Variants in ATP2C2 observed in about 807,000 individuals in gnomAD.
ATP2C2 encodes the protein ATPase secretory pathway Ca2+ transporting 2.
ATP2C2 carries 171 observed loss-of-function variants against 110.8 expected under a neutral mutation model. The ratio of observed to expected loss-of-function variants is 1.54; its 90% CI spans 1.36 to 1.75. The LOEUF (loss-of-function observed/expected upper bound fraction) is 1.75. Among genes scored for constraint, ATP2C2 ranks in the 40% most tolerant of loss-of-function variants. ATP2C2 has a pLI of 0.00. For synonymous variants in ATP2C2, 804 were observed against 508.4 expected, an observed-to-expected ratio of 1.58 and a Z score of -7.82; for missense variants, 1,963 against 1,235.0, an observed-to-expected ratio of 1.59 and a Z score of -8.84.
At chr16:84,416,622 C>G (rs991000611) in intron 7 of ATP2C2, among the ~76,000 whole-genome samples, 2 of 152,186 alleles carry the variant, frequency 1.3e-5, no homozygotes, top group Non-Finnish European at 2.9e-5. Flanking sequence ...CATTGATCCT[C>G]TCTGCCGTGA....
At chr16:84,459,628 GCT>G (rs1911072573) in intron 23 of ATP2C2, 1 of 1,506,034 alleles carries the variant, frequency 6.6e-7, no homozygotes, top group Non-Finnish European at 8.9e-7. Context: ...CTGCCTGGAT[GCT>G]CTCTCTGGGC....
intron 11 of ATP2C2, among the ~76,000 whole-genome samples, chr16:84,428,473 T>C (rs966936604): frequency 6.6e-6 from 1 of 152,246 alleles, no homozygotes; most frequent in African/African-American, 2.4e-5. Flanking sequence ...AAATACTGTG[T>C]CTGGCTTTGG....
chr16:84,439,260 G>A lies in ATP2C2; in HGVS notation c.1081G>A (p.Val361Met), dbSNP rs752961744. Reference protein sequence around the residue: ...VLRMAKKRVIVKKLPIVETLG... With the variant: ...VLRMAKKRVIMKKLPIVETLG... ...GCGGATGGCCAAGAAGCGGGTCATC[G>A]TGAAGAAGTTACCCATCGTGGAGAC... The change falls in exon 12 of 27, where the codon GTG becomes ATG. Residue 361 changes from valine (V) to methionine (M), a missense_variant. Transcript: ENST00000262429. The A allele has an allele frequency of 1.4e-5, 23 of 1,612,482 alleles. No individual in the cohort carries two copies. The highest frequency in any genetic ancestry group is 6.7e-5 in the East Asian group (3 of 44,890).
rs1040828683 is a variant in ATP2C2 at position 84,463,851 on chromosome 16, A to C, written c.*119A>C. On this transcript the variant is annotated 3_prime_UTR_variant, in exon 27 of 27. Transcript: ENST00000262429. ...GGCCGCAGCCTTCCATCACCGGATC[A>C]GTTTTTCCTCTTAGGAAAGCTGCAG... The C allele has an allele frequency of 1.1e-6, 1 of 915,206 alleles. No homozygotes were observed. The allele number at this position is 915,206 out of a possible 1,614,324, so 56.7% of individuals were successfully genotyped here.
At position 84,427,782 on chromosome 16, in the gene ATP2C2, G is replaced by A. The variant is rs905441484; in HGVS notation, c.986+1981G>A. ...CAGAAAGTAGGTTAGTGTTTGCCAG[G>A]GCCTGGGGTTGGGGAGTGTGTAGTG... On this transcript the variant is annotated intron_variant, in intron 11 of 26. Coordinates refer to ENST00000262429, the MANE Select transcript of ATP2C2 (RefSeq NM_014861.4). 1.8e-4 allele frequency among the ~76,000 whole-genome samples: 28 copies of A among 152,148 alleles called. No individual in the cohort carries two copies. The South Asian group carries it at 5.4e-3, about 29-fold the overall frequency.
chr16:84,388,074 G>C (rs928327508), intron 1 of ATP2C2, among the ~76,000 whole-genome samples: 4 of 152,188 alleles, frequency 2.6e-5, no homozygotes, highest in Non-Finnish European at 5.9e-5. Flanking sequence ...GCTCACGCCT[G>C]TCATCCCAGC....
At chr16:84,459,904 C>T in intron 23 of ATP2C2, 1 of 314,240 alleles carries the variant, frequency 3.2e-6, no homozygotes, top group South Asian at 3.6e-5. Flanking sequence ...GCTCAGGAGT[C>T]CACCCGCTCC....
chr16:84,426,947 G>A (rs529634364), intron 11 of ATP2C2, among the ~76,000 whole-genome samples: 2 of 152,158 alleles, frequency 1.3e-5, no homozygotes, highest in Non-Finnish European at 2.9e-5. Context: ...ATCGTGCAGC[G>A]GTTTGACTTT....
chr16:84,421,150 T>C (rs1388331800), intron 7 of ATP2C2, among the ~76,000 whole-genome samples: 1 of 152,230 alleles, frequency 6.6e-6, no homozygotes, highest in Non-Finnish European at 1.5e-5. Flanking sequence ...TTTTCCAGAA[T>C]GTTCTTTGAG....
At chr16:84,373,119 CAAAAAAA>C (rs34143321) in intron 1 of ATP2C2, among the ~76,000 whole-genome samples, 1 of 103,936 alleles carries the variant, frequency 9.6e-6, no homozygotes, top group Non-Finnish European at 1.8e-5. Context: ...GACTCCCTCT[CAAAAAAA>C]AAAAAAAAAG....
rs377037509 is a variant in ATP2C2, at chr16:84,424,525, G to A, written c.920-1210G>A. Among the ~76,000 whole-genome samples, 122 of 149,402 alleles carry A rather than the reference G, an allele frequency of 8.2e-4. 1 individual carries two copies. Among genetic ancestry groups the A allele is most frequent in the Middle Eastern group, 3.6e-3 (1 of 278 alleles). On this transcript the variant is annotated intron_variant, in intron 10 of 26. Coordinates refer to ENST00000262429, the MANE Select transcript of ATP2C2 (RefSeq NM_014861.4). ...ACTCCTGGTCTCAAGTGATCTGCCC[G>A]CCTTGGCCTCCCAAAGTGCTAGGAT...
intron 2 of ATP2C2, among the ~76,000 whole-genome samples, chr16:84,402,228 T>C (rs897102530): frequency 6.6e-6 from 1 of 152,348 alleles, no homozygotes; most frequent in East Asian, 1.9e-4. Context: ...AGGTGGAGTC[T>C]TTAGGTTTTT....
chr16:84,453,096 C>A, intron 18 of ATP2C2, 42 bp from the exon 19 acceptor site: 1 of 1,553,082 alleles, frequency 6.4e-7, no homozygotes, highest in Non-Finnish European at 8.7e-7. Context: ...GGGGTGGGGA[C>A]GCGGGCCTCA....
chr16:84,414,948 C>G (rs1906702405), intron 6 of ATP2C2, among the ~76,000 whole-genome samples: 1 of 152,066 alleles, frequency 6.6e-6, no homozygotes. Flanking sequence ...GGTCGGAGGT[C>G]AGAGTCAGCT....
chr16:84,444,100 G>A (rs1193068306), intron 15 of ATP2C2, among the ~76,000 whole-genome samples: 1 of 146,416 alleles, frequency 6.8e-6, no homozygotes, highest in African/African-American at 2.6e-5. Flanking sequence ...CCAGGAGTCT[G>A]AGGCTGCAAT....
intron 20 of ATP2C2, among the ~76,000 whole-genome samples, chr16:84,454,269 A>G (rs930811016): frequency 6.6e-6 from 1 of 152,192 alleles, no homozygotes; most frequent in Non-Finnish European, 1.5e-5. Context: ...GGAGCCCAAT[A>G]AAGAGCTGAT....
At position 84,463,791 on chromosome 16, in the gene ATP2C2, C is replaced by G. The variant is rs915416287; in HGVS notation, c.*59C>G. ...CTCGATCTGGTTGTGACTGTGGCCC[C>G]TGCCGTGTCTCCTCGTCAGGGGAGA... On this transcript the variant is annotated 3_prime_UTR_variant, in exon 27 of 27. Coordinates refer to ENST00000262429, the MANE Select transcript of ATP2C2 (RefSeq NM_014861.4). 4.2e-6 allele frequency: 6 copies of G among 1,441,078 alleles called. No homozygotes were observed. The highest frequency in any genetic ancestry group is 1.7e-5 in the Admixed American group (1 of 59,222). The allele number at this position is 1,441,078 out of a possible 1,614,324, so 89.3% of individuals were successfully genotyped here. A position where few individuals can be genotyped will look rare whatever the true frequency, so the allele number is the denominator to read the frequency against.
At chr16:84,441,029 G>T (rs980605926) in intron 14 of ATP2C2, 71 bp downstream of exon 14, 1 of 1,286,684 alleles carries the variant, frequency 7.8e-7, no homozygotes, top group Non-Finnish European at 1.1e-6. Flanking sequence ...CTCTGAAAAG[G>T]GAAACAGCCA....
chr16:84,433,208 T>C (rs1224449656), intron 11 of ATP2C2, among the ~76,000 whole-genome samples: 3 of 151,842 alleles, frequency 2.0e-5, no homozygotes, highest in Non-Finnish European at 4.4e-5. Context: ...AGTGAGACTG[T>C]CTGTACAAAA....
Sources: gnomAD v4.1 joint callset for allele counts (sites outside exome capture counted in the v4.1 genomes callset) on GRCh38, gnomAD v4.1.1 for gene constraint, MANE v1.5 for transcripts, NCBI Gene and HGNC (gene_info 2026-07-23, HGNC 2026-07-21) for gene names.